TBC1D5: variants seen among roughly 807,000 people sequenced by gnomAD.
The protein encoded by TBC1D5 is TBC1 domain family member 5, also known as TBC1 domain family, member 5.
A neutral mutation model predicts 100.3 loss-of-function variants in TBC1D5; 75 were observed. That is an observed-to-expected ratio of 0.75 (90% confidence interval 0.62 to 0.91). The LOEUF is 0.91. Among genes scored for constraint, TBC1D5 ranks in the 40% least tolerant of loss-of-function variants. The probability of loss-of-function intolerance (pLI) is 0.00; values close to 1 mark genes in which losing one functional copy is unlikely to be tolerated. For missense variants in TBC1D5, 910 were observed against 942.4 expected, an observed-to-expected ratio of 0.97 and a Z score of 0.45; for synonymous variants, 323 against 325.6, an observed-to-expected ratio of 0.99 and a Z score of 0.09.
intron 3 of TBC1D5, among the ~76,000 whole-genome samples, chr3:17,478,705 G>T (rs2095467879): frequency 6.6e-6 from 1 of 152,144 alleles, no homozygotes; most frequent in Non-Finnish European, 1.5e-5. Context: ...TGGCAGATCT[G>T]ACAAGGTCAC....
chr3:17,532,437 A>C (rs2096239563), intron 2 of TBC1D5, among the ~76,000 whole-genome samples: 1 of 152,320 alleles, frequency 6.6e-6, no homozygotes, highest in African/African-American at 2.4e-5. Context: ...GCGATTCCTC[A>C]GGGATCTAGA....
intron 3 of TBC1D5, among the ~76,000 whole-genome samples, chr3:17,491,141 A>G (rs1183575069): frequency 1.3e-5 from 2 of 152,048 alleles, no homozygotes; most frequent in African/African-American, 4.8e-5. Flanking sequence ...AATGCTTGTA[A>G]TTTTTGCACA....
intron 2 of TBC1D5, among the ~76,000 whole-genome samples, chr3:17,529,828 G>A (rs568845196): frequency 3.0e-4 from 46 of 152,112 alleles, no homozygotes; most frequent in African/African-American, 1.1e-3. Context: ...TGGGAAAAAC[G>A]TGAGATAAAA....
intron 13 of TBC1D5, among the ~76,000 whole-genome samples, chr3:17,352,474 T>C (rs2090720628): frequency 6.6e-6 from 1 of 151,796 alleles, no homozygotes; most frequent in Non-Finnish European, 1.5e-5. Flanking sequence ...TGTTCTTTAC[T>C]CTATCCCACA....
At chr3:17,695,053 TTC>T (rs1264893290) in intron 1 of TBC1D5, among the ~76,000 whole-genome samples, 5 of 152,112 alleles carry the variant, frequency 3.3e-5, no homozygotes, top group African/African-American at 4.8e-5. Context: ...TGCTGAGAGA[TTC>T]TGTCACCACC....
intron 2 of TBC1D5, among the ~76,000 whole-genome samples, chr3:17,559,244 G>A (rs533271403): frequency 5.9e-5 from 9 of 151,950 alleles, no homozygotes; most frequent in Admixed American, 6.5e-5. Context: ...AGGTTCAAGC[G>A]ATTCTCCTGC....
intron 15 of TBC1D5, among the ~76,000 whole-genome samples, chr3:17,289,708 C>G (rs962437762): frequency 1.3e-5 from 2 of 151,506 alleles, no homozygotes; most frequent in Non-Finnish European, 2.9e-5. Context: ...CAATTTAATT[C>G]AACCTCCAAA....
At chr3:17,270,879 C>T (rs1380410947) in intron 15 of TBC1D5, among the ~76,000 whole-genome samples, 1 of 152,116 alleles carries the variant, frequency 6.6e-6, no homozygotes, top group African/African-American at 2.4e-5. Context: ...AGAGTCTTTT[C>T]CCCATTGCTT....
At chr3:17,373,881 T>G (rs1310592464) in intron 12 of TBC1D5, among the ~76,000 whole-genome samples, 1 of 152,124 alleles carries the variant, frequency 6.6e-6, no homozygotes, top group Non-Finnish European at 1.5e-5. Context: ...TTAATGGACA[T>G]GCAGTTTTCT....
chr3:17,453,503 C>T (rs1348844469), intron 3 of TBC1D5, among the ~76,000 whole-genome samples: 1 of 152,012 alleles, frequency 6.6e-6, no homozygotes, highest in Non-Finnish European at 1.5e-5. Context: ...TTGAAAGAAT[C>T]ATTAGTGGCT....
intron 1 of TBC1D5, among the ~76,000 whole-genome samples, chr3:17,674,051 G>A (rs1379403330): frequency 6.6e-6 from 1 of 151,956 alleles, no homozygotes; most frequent in African/African-American, 2.4e-5. Context: ...TCATTAGTGA[G>A]TTAAGTTCTT....
At position 17,413,481 on chromosome 3, in the gene TBC1D5, T is replaced by C. The variant is rs537525040; in HGVS notation, c.168-6955A>G. On this transcript the variant is annotated intron_variant, in intron 4 of 21. Coordinates refer to ENST00000253692, the Ensembl canonical transcript of TBC1D5. ...GCAATCAGAATATGTAGTGGATAAA[T>C]ACAGCTGATGATTATAATGAGATTA... is the stretch of plus-strand genomic sequence containing the variant. 1.4e-4 allele frequency among the ~76,000 whole-genome samples: 22 copies of C among 152,298 alleles called. No individual in the cohort carries two copies. The South Asian group carries it at 3.5e-3, about 24-fold the overall frequency.
At chr3:17,540,736 G>A (rs975112631) in intron 2 of TBC1D5, among the ~76,000 whole-genome samples, 12 of 151,362 alleles carry the variant, frequency 7.9e-5, no homozygotes, top group East Asian at 7.8e-4. Context: ...GTGAAACCCC[G>A]TCTCTACTAA....
intron 14 of TBC1D5, among the ~76,000 whole-genome samples, chr3:17,299,702 CA>C (rs1471739974): frequency 6.6e-6 from 1 of 151,534 alleles, no homozygotes; most frequent in Non-Finnish European, 1.5e-5. Context: ...ACTAAAAATA[CA>C]AAAAAATTAG....
intron 3 of TBC1D5, among the ~76,000 whole-genome samples, chr3:17,457,491 T>C (rs571306464): frequency 1.5e-4 from 23 of 152,352 alleles, no homozygotes; most frequent in Admixed American, 8.5e-4. Context: ...TTACTATGTT[T>C]TACATTTCTA....
Position 17,593,786 on chromosome 3 carries a change from C to T in TBC1D5, c.-36+30063G>A, listed in dbSNP as rs574661405. Among the ~76,000 whole-genome samples, 5 of 152,320 alleles carry T rather than the reference C, an allele frequency of 3.3e-5. No homozygotes were observed. In the South Asian group the frequency reaches 1.0e-3, roughly 32 times the overall value. ...TCCTAAAGCAGCTAGATTGATAGAA[C>T]AGTGGAATGGCCTTTTGAAGTCACA... On this transcript the variant is annotated intron_variant, in intron 2 of 21. Transcript: ENST00000253692.
At chr3:17,621,684 C>A (rs2062670342) in intron 2 of TBC1D5, among the ~76,000 whole-genome samples, 1 of 151,724 alleles carries the variant, frequency 6.6e-6, no homozygotes, top group Non-Finnish European at 1.5e-5. Flanking sequence ...CTCTAGCACT[C>A]CATGATATAG....
intron 3 of TBC1D5, among the ~76,000 whole-genome samples, chr3:17,503,920 G>A (rs2095813631): frequency 6.7e-6 from 1 of 149,484 alleles, no homozygotes; most frequent in South Asian, 2.1e-4. Flanking sequence ...TTGGTTTTAT[G>A]CAAATTCTGA....
chr3:17,640,770 A>G (rs996411861), intron 1 of TBC1D5, among the ~76,000 whole-genome samples: 1 of 152,122 alleles, frequency 6.6e-6, no homozygotes, highest in Non-Finnish European at 1.5e-5. Flanking sequence ...CAGAAAAGAA[A>G]TAACTTGAAA....
Sources: allele counts gnomAD v4.1 joint callset (sites outside exome capture counted in the v4.1 genomes callset), GRCh38; gene constraint gnomAD v4.1.1; transcripts MANE v1.5; gene names NCBI Gene and HGNC (gene_info 2026-07-23, HGNC 2026-07-21).